Variants in DDX10 observed in about 807,000 individuals in gnomAD.
The protein encoded by DDX10 is DEAD-box helicase 10.
A neutral mutation model predicts 104.3 loss-of-function variants in DDX10; 74 were observed. The observed-to-expected ratio is 0.71, with a 90% CI of 0.59 to 0.86. The LOEUF is 0.86. Ranked by LOEUF, DDX10 falls within the 40% of genes least tolerant of loss-of-function variation. The pLI is 0.00. For synonymous variants in DDX10, 351 were observed against 353.4 expected (o/e 0.99, Z 0.08); for missense variants, 952 against 1,040.0 (o/e 0.92, Z 1.16).
chr11:108,833,312 G>A (rs1862498213), intron 13 of DDX10, among the ~76,000 whole-genome samples: 1 of 152,200 alleles, frequency 6.6e-6, no homozygotes, highest in Admixed American at 6.5e-5. Flanking sequence ...TATAATTAAT[G>A]TTTTGTTCTA....
chr11:108,848,743 T>TA (rs1247386840), intron 15 of DDX10, among the ~76,000 whole-genome samples: 1 of 152,164 alleles, frequency 6.6e-6, no homozygotes, highest in Non-Finnish European at 1.5e-5. Context: ...GGGATTTTTT[T>TA]AAAAACCATA....
chr11:108,887,440 TGTTCTA>T (rs1863313024), intron 16 of DDX10, among the ~76,000 whole-genome samples: 1 of 151,984 alleles, frequency 6.6e-6, no homozygotes, highest in African/African-American at 2.4e-5. Flanking sequence ...ATTTTTGCTT[TGTTCTA>T]GTTCTGTCAT....
intron 13 of DDX10, among the ~76,000 whole-genome samples, chr11:108,810,553 C>T (rs900158729): frequency 6.6e-6 from 1 of 151,840 alleles, no homozygotes; most frequent in Non-Finnish European, 1.5e-5. Flanking sequence ...GAGAGTGGTG[C>T]GAAATTTATT....
At chr11:108,873,455 A>T (rs773692938) in intron 16 of DDX10, among the ~76,000 whole-genome samples, 5 of 152,206 alleles carry the variant, frequency 3.3e-5, no homozygotes, top group Non-Finnish European at 5.9e-5. Context: ...ATGACTAAAC[A>T]ACCCCTTTAT....
At chr11:108,819,294 A>G (rs1279339534) in intron 13 of DDX10, among the ~76,000 whole-genome samples, 3 of 151,800 alleles carry the variant, frequency 2.0e-5, no homozygotes, top group Non-Finnish European at 4.4e-5. Flanking sequence ...TGTAATTACT[A>G]TTGTCTTTTT....
chr11:108,744,773 A>C (rs2094329324), intron 13 of DDX10, among the ~76,000 whole-genome samples: 1 of 152,234 alleles, frequency 6.6e-6, no homozygotes, highest in African/African-American at 2.4e-5. Context: ...TAAGAAAGAC[A>C]ATGTAAACTA....
intron 9 of DDX10, among the ~76,000 whole-genome samples, chr11:108,697,300 C>T (rs1364219740): frequency 6.7e-6 from 1 of 148,162 alleles, no homozygotes; most frequent in Non-Finnish European, 1.5e-5. Context: ...GTTTTGTGGG[C>T]CATGAGACTG....
chr11:108,750,821 A>G (rs935504500), intron 13 of DDX10, among the ~76,000 whole-genome samples: 1 of 149,948 alleles, frequency 6.7e-6, no homozygotes, highest in African/African-American at 2.4e-5. Flanking sequence ...ACAGTGGCAC[A>G]GTTATAGCTC....
intron 16 of DDX10, among the ~76,000 whole-genome samples, chr11:108,869,721 T>C (rs1863055642): frequency 6.6e-6 from 1 of 152,130 alleles, no homozygotes; most frequent in Non-Finnish European, 1.5e-5. Flanking sequence ...CTCAAAATAA[T>C]GCTTTCTGCA....
intron 12 of DDX10, among the ~76,000 whole-genome samples, chr11:108,720,692 G>A (rs2094297214): frequency 6.6e-6 from 1 of 152,054 alleles, no homozygotes; most frequent in African/African-American, 2.4e-5. Context: ...CCAGGCTTAG[G>A]TGATCCTCTC....
intron 13 of DDX10, among the ~76,000 whole-genome samples, chr11:108,817,309 T>A (rs1862268911): frequency 6.6e-6 from 1 of 152,074 alleles, no homozygotes; most frequent in African/African-American, 2.4e-5. Flanking sequence ...CTCACTCTAG[T>A]CCAGTCATCC....
chr11:108,750,331 G>A (rs1436350396), intron 13 of DDX10, among the ~76,000 whole-genome samples: 2 of 152,192 alleles, frequency 1.3e-5, no homozygotes, highest in Non-Finnish European at 2.9e-5. Context: ...CTGAAAGACA[G>A]TTATATAGTT....
At chr11:108,786,706 G>A (rs946850910) in intron 13 of DDX10, among the ~76,000 whole-genome samples, 5 of 151,998 alleles carry the variant, frequency 3.3e-5, no homozygotes, top group African/African-American at 1.2e-4. Context: ...TGCATGATAG[G>A]TCTTTATTTT....
intron 9 of DDX10, among the ~76,000 whole-genome samples, chr11:108,697,147 T>A (rs2094260980): frequency 6.6e-6 from 1 of 152,146 alleles, no homozygotes; most frequent in African/African-American, 2.4e-5. Context: ...CTGTTTGACC[T>A]TTTGTAACCA....
In DDX10 at chr11:108,675,337, C is replaced by G. The variant is rs571527675; in HGVS notation, c.248-259C>G. Among the ~76,000 whole-genome samples the G allele has an allele frequency of 2.6e-5, 4 of 152,304 alleles. No individual in the cohort carries two copies. In the East Asian group the frequency reaches 7.7e-4, roughly 29 times the overall value. The stretch of plus-strand genomic sequence containing the variant: ...TGTCTCTCTTCACATGGTTTTCCCT[C>G]TGTGCATGTGGACCCTTGGTGTCTC... On this transcript the variant is annotated intron_variant, in intron 2 of 17. Coordinates refer to ENST00000322536, the MANE Select transcript of DDX10 (RefSeq NM_004398.4).
chr11:108,818,024 C>A (rs1027921360), intron 13 of DDX10, among the ~76,000 whole-genome samples: 3 of 152,140 alleles, frequency 2.0e-5, no homozygotes, highest in South Asian at 4.1e-4. Context: ...TGTTTTAATA[C>A]CTGTCTTTAA....
intron 16 of DDX10, among the ~76,000 whole-genome samples, chr11:108,895,471 A>T (rs1863428714): frequency 6.6e-6 from 1 of 152,036 alleles, no homozygotes; most frequent in South Asian, 2.1e-4. Flanking sequence ...TTATATCATG[A>T]CTAGATCCCA....
intron 16 of DDX10, among the ~76,000 whole-genome samples, chr11:108,911,584 T>G: frequency 2.0e-5 from 1 of 50,026 alleles, no homozygotes; most frequent in Admixed American, 2.8e-4. Context: ...TTTTTTTTTT[T>G]TTTGAGACAG....
chr11:108,846,979 T>C (rs1862728089), intron 15 of DDX10, among the ~76,000 whole-genome samples: 1 of 152,206 alleles, frequency 6.6e-6, no homozygotes, highest in Admixed American at 6.5e-5. Context: ...CTTTAGTTGC[T>C]CTTCATGAGT....
Sources: gnomAD v4.1 joint callset for allele counts (sites outside exome capture counted in the v4.1 genomes callset) on GRCh38, gnomAD v4.1.1 for gene constraint, MANE v1.5 for transcripts, NCBI Gene and HGNC (gene_info 2026-07-23, HGNC 2026-07-21) for gene names.